Variants in PAX7 observed in about 807,000 individuals in gnomAD.
PAX7 encodes the protein paired box 7.
A neutral mutation model predicts 50.7 loss-of-function variants in PAX7; 18 were observed. That is an observed-to-expected ratio of 0.36 (90% CI 0.25 to 0.53). PAX7 has a LOEUF of 0.53. PAX7 is among the 20% of genes least tolerant of loss of function. PAX7 has a pLI of 0.93. For missense variants in PAX7, 644 were observed against 702.9 expected (o/e 0.92, Z 0.95); for synonymous variants, 310 against 290.4 (o/e 1.07, Z -0.69).
chr1:18,679,994 C>G (rs1428659383), intron 4 of PAX7, among the ~76,000 whole-genome samples: 1 of 152,168 alleles, frequency 6.6e-6, no homozygotes, highest in Non-Finnish European at 1.5e-5. Flanking sequence ...TACTGAGTAC[C>G]TGGAACTGTT....
rs140123974 is a variant in PAX7 at position 18,644,136 on chromosome 1, G to C, written c.586+7765G>C. Reference sequence around the variant, plus strand: ...GGACTGGAGGGCGAGTAATGGGGAGGCAACCCAGGGCGAGCTGAAGGCTTA... The same window carrying C: ...GGACTGGAGGGCGAGTAATGGGGAGCCAACCCAGGGCGAGCTGAAGGCTTA... On this transcript the variant is annotated intron_variant, in intron 4 of 8. Coordinates refer to ENST00000420770, the MANE Select transcript of PAX7 (RefSeq NM_001135254.2). 2.7e-3 allele frequency among the ~76,000 whole-genome samples: 406 copies of C among 152,338 alleles called. 3 individuals are homozygous for C. Among genetic ancestry groups the C allele is most frequent in the East Asian group, 0.018 (94 of 5,172 alleles).
chr1:18,732,399 T>C (rs1256141619), intron 7 of PAX7, among the ~76,000 whole-genome samples: 3 of 152,170 alleles, frequency 2.0e-5, no homozygotes, highest in African/African-American at 4.8e-5. Flanking sequence ...TCAGAATATG[T>C]AGCAAGTACC....
At chr1:18,687,064 T>C (rs1381879151) in intron 4 of PAX7, among the ~76,000 whole-genome samples, 1 of 151,822 alleles carries the variant, frequency 6.6e-6, no homozygotes, top group East Asian at 1.9e-4. Flanking sequence ...CTAATTTTTG[T>C]ATTTTTAGTA....
chr1:18,679,418 G>A (rs777001654), intron 4 of PAX7, among the ~76,000 whole-genome samples: 24 of 152,344 alleles, frequency 1.6e-4, no homozygotes, highest in Non-Finnish European at 3.1e-4. Context: ...CAGCCGCTTT[G>A]TGGGGCGCGG....
At chr1:18,639,838 C>T (rs2088222407) in intron 4 of PAX7, among the ~76,000 whole-genome samples, 1 of 152,050 alleles carries the variant, frequency 6.6e-6, no homozygotes, top group South Asian at 2.1e-4. Flanking sequence ...CAGTTTAAGC[C>T]AAAACTGACC....
At position 18,636,169 on chromosome 1, in the gene PAX7, G is replaced by T. The variant is rs115941698; in HGVS notation, c.452-68G>T. 3.4e-3 allele frequency: 5,237 copies of T among 1,555,408 alleles called. 130 individuals are homozygous for T. The African/African-American group carries it at 0.058, about 17-fold the overall frequency. The stretch of plus-strand genomic sequence containing the variant: ...GGGGCTTCCTGACTTTCTCCCAGGG[G>T]CCCAGGCCACCGCTCGCTCCTCTGC... On this transcript the variant is annotated intron_variant, in intron 3 of 8. Coordinates refer to ENST00000420770, the MANE Select transcript of PAX7 (RefSeq NM_001135254.2). This position sits in a 1 kb window ranked among gnomAD's most constrained non-coding sequence, Gnocchi z 5.1.
chr1:18,680,369 T>C lies in PAX7; in HGVS notation c.587-11385T>C, dbSNP rs138649498. The stretch of plus-strand genomic sequence containing the variant: ...CTCCCCACCTGCCAGGCTTCTGTTC[T>C]GAAGGAGAGGAGAGACTGGGTCTGG... On this transcript the variant is annotated intron_variant, in intron 4 of 8. Coordinates refer to ENST00000420770, the MANE Select transcript of PAX7 (RefSeq NM_001135254.2). Among the ~76,000 whole-genome samples the C allele has an allele frequency of 1.2e-3, 180 of 152,292 alleles. 1 individual carries two copies. The highest frequency in any genetic ancestry group is 4.0e-3 in the African/African-American group (168 of 41,572).
chr1:18,716,800 C>T (rs1330037284), intron 7 of PAX7, among the ~76,000 whole-genome samples: 1 of 152,014 alleles, frequency 6.6e-6, no homozygotes, highest in Non-Finnish European at 1.5e-5. Flanking sequence ...TCATTCCGCA[C>T]CCAACAAACA....
At chr1:18,686,210 TC>T (rs1441487545) in intron 4 of PAX7, among the ~76,000 whole-genome samples, 1 of 152,126 alleles carries the variant, frequency 6.6e-6, no homozygotes. Flanking sequence ...AGGCTGTTTC[TC>T]CCCCATGAGA....
intron 4 of PAX7, among the ~76,000 whole-genome samples, chr1:18,647,386 G>C (rs1396272455): frequency 6.6e-6 from 1 of 152,006 alleles, no homozygotes; most frequent in Non-Finnish European, 1.5e-5. Flanking sequence ...ACCCCAGGGA[G>C]CTGGGTACAG....
chr1:18,732,677 A>G (rs1252786861), intron 7 of PAX7, among the ~76,000 whole-genome samples: 2 of 152,192 alleles, frequency 1.3e-5, no homozygotes, highest in Non-Finnish European at 2.9e-5. Context: ...CTGAGAGATA[A>G]TGGGGAGCCA....
chr1:18,740,265 G>C (rs1931056563), intron 8 of PAX7, among the ~76,000 whole-genome samples: 1 of 152,264 alleles, frequency 6.6e-6, no homozygotes, highest in East Asian at 1.9e-4. Context: ...AAGTTGGCAG[G>C]GTCATCAGGA....
intron 4 of PAX7, among the ~76,000 whole-genome samples, chr1:18,641,732 T>C (rs1273423312): frequency 1.3e-5 from 2 of 152,168 alleles, no homozygotes; most frequent in Non-Finnish European, 2.9e-5. Flanking sequence ...AACGAATTCA[T>C]CATTTGGAAT....
chr1:18,675,563 C>G (rs567742894), intron 4 of PAX7, among the ~76,000 whole-genome samples: 4 of 152,218 alleles, frequency 2.6e-5, no homozygotes, highest in African/African-American at 9.6e-5. Flanking sequence ...ACATCAGATA[C>G]AGCCCAGGAC....
chr1:18,670,308 G>C (rs1020997438), intron 4 of PAX7, among the ~76,000 whole-genome samples: 7 of 152,160 alleles, frequency 4.6e-5, no homozygotes, highest in Non-Finnish European at 8.8e-5. Flanking sequence ...TTATTTGCAT[G>C]GGTGTGGCTG....
chr1:18,705,369 G>T (rs1432385554), intron 7 of PAX7, among the ~76,000 whole-genome samples: 2 of 152,190 alleles, frequency 1.3e-5, no homozygotes, highest in African/African-American at 4.8e-5. Flanking sequence ...TAGGGTCCAG[G>T]CGTGGCTTGG....
intron 4 of PAX7, among the ~76,000 whole-genome samples, chr1:18,679,402 C>T (rs2088866637): frequency 6.6e-6 from 1 of 152,216 alleles, no homozygotes; most frequent in South Asian, 2.1e-4. Flanking sequence ...GCATATGGTC[C>T]TTTCACAGCC....
At chr1:18,729,106 C>T (rs2089614780) in intron 7 of PAX7, among the ~76,000 whole-genome samples, 1 of 152,214 alleles carries the variant, frequency 6.6e-6, no homozygotes, top group Non-Finnish European at 1.5e-5. Context: ...AGCCTGGGGA[C>T]AGTTCTTGGT....
At position 18,703,180 on chromosome 1, in the gene PAX7, G is replaced by A. The variant is rs769169265; in HGVS notation, c.1039G>A (p.Asp347Asn). ...GCTGGCTGCAGCGGCTGCAGCCGCC[G>A]ACACCAGCTCTGCCTACGGAGCCCG... ...GGLAAAAAAA[D>N]TSSAYGARHS... The change falls in exon 7 of 9, where the codon GAC (aspartate) becomes AAC (asparagine). Residue 347 changes from aspartate to asparagine, a missense_variant. Asp to Asn is a conservative substitution (Grantham distance 23, BLOSUM62 1). Transcript: ENST00000420770. 1 of 1,613,112 alleles carries A rather than the reference G, an allele frequency of 6.2e-7. No individual in the cohort carries two copies.
Sources: gnomAD v4.1 joint callset for allele counts (sites outside exome capture counted in the v4.1 genomes callset) on GRCh38, gnomAD v4.1.1 for gene constraint, Gnocchi (gnomAD v3.1) non-coding constraint, MANE v1.5 for transcripts, NCBI Gene and HGNC (gene_info 2026-07-23, HGNC 2026-07-21) for gene names.